NRP1: variants seen among roughly 807,000 people sequenced by gnomAD.
NRP1 encodes the protein neuropilin 1.
Under a neutral mutation model 106.7 loss-of-function variants are expected in NRP1, and 35 were observed. The observed-to-expected ratio is 0.33, with a 90% CI of 0.25 to 0.43. The LOEUF is 0.43. Ranked by LOEUF, NRP1 falls within the 20% of genes least tolerant of loss-of-function variation. NRP1 has a pLI of 1.00. For synonymous variants in NRP1, 437 were observed against 417.9 expected, an observed-to-expected ratio of 1.05 and a Z score of -0.56; for missense variants, 1,024 against 1,170.4, an observed-to-expected ratio of 0.87 and a Z score of 1.83.
At chr10:33,207,520 G>A in intron 10 of NRP1, 52 bp downstream of exon 10, 1 of 1,605,442 alleles carries the variant, frequency 6.2e-7, no homozygotes, top group South Asian at 1.1e-5. Flanking sequence ...ATAAATGCAT[G>A]GAAGAGGAAA....
In NRP1 at chr10:33,202,940, G is replaced by A. The variant is rs148913335; in HGVS notation, c.1815C>T (p.Asp605=). The A allele has an allele frequency of 2.5e-4, 405 of 1,614,038 alleles. No individual in the cohort carries two copies. The highest frequency in any genetic ancestry group is 3.2e-4 in the Non-Finnish European group (375 of 1,180,026). Reference sequence around the variant, plus strand: ...TTCCACTGTGGCAGTTGGCCTGGTCGTCATCACATTCATCCACCAAGTTCC... The same window carrying A: ...TTCCACTGTGGCAGTTGGCCTGGTCATCATCACATTCATCCACCAAGTTCC... ...PNGNLVDECD[D]DQANCHSGTG... Residue 605 remains aspartate, a synonymous_variant, in exon 11 of 17, where the codon GAC becomes GAT. Coordinates refer to ENST00000374867, the MANE Select transcript of NRP1 (RefSeq NM_003873.7).
At position 33,226,135 on chromosome 10, in the gene NRP1, A is replaced by G. The variant is rs1379433473; in HGVS notation, c.1136T>C (p.Val379Ala). The G allele has an allele frequency of 1.2e-6, 2 of 1,613,972 alleles. No homozygotes were observed. Among genetic ancestry groups the G allele is most frequent in the East Asian group, 4.5e-5 (2 of 44,886 alleles). Residue 379 changes from valine to alanine, a missense_variant and splice_region_variant, in exon 7 of 17, where the codon GTT becomes GCT. Physicochemically the swap from Val to Ala is moderately conservative, Grantham distance 64 (BLOSUM62 0). Coordinates refer to ENST00000374867, the MANE Select transcript of NRP1 (RefSeq NM_003873.7). Reference protein sequence around the residue: ...WITIKEGNKPVLFQGNTNPTD... With the variant: ...WITIKEGNKPALFQGNTNPTD... The stretch of plus-strand genomic sequence containing the variant: ...TGCCACGGTGGCAGCCTAACTTACA[A>G]CAGGTTTGTTTCCTTCTTTTATGGT...
intron 2 of NRP1, among the ~76,000 whole-genome samples, chr10:33,318,015 TC>T (rs1290178432): frequency 6.6e-6 from 1 of 152,232 alleles, no homozygotes; most frequent in Non-Finnish European, 1.5e-5. Context: ...CGGATGCACT[TC>T]CTGTTATAGT....
At chr10:33,234,394 T>C (rs908879178) in intron 6 of NRP1, among the ~76,000 whole-genome samples, 1 of 152,172 alleles carries the variant, frequency 6.6e-6, no homozygotes, top group South Asian at 2.1e-4. Flanking sequence ...TTTATAACCA[T>C]AATGATTAGA....
Position 33,192,428 on chromosome 10 carries a change from G to A in NRP1, c.1925-10C>T. 3 of 1,612,256 alleles carry A rather than the reference G, an allele frequency of 1.9e-6. No homozygotes were observed. Among genetic ancestry groups the A allele is most frequent in the Non-Finnish European group, 2.5e-6 (3 of 1,179,258 alleles). ...CCATATGTTGGAAACTCTTCAGTGG[G>A]TGGGAAGTAAAAATAAGAGACAAGC... On this transcript the variant is annotated splice_polypyrimidine_tract_variant and intron_variant, in intron 12 of 16. Coordinates refer to ENST00000374867, the MANE Select transcript of NRP1 (RefSeq NM_003873.7).
chr10:33,263,566 GTA>G (rs1842718957), intron 4 of NRP1, 78 bp downstream of exon 4: 11 of 994,772 alleles, frequency 1.1e-5, no homozygotes, highest in Non-Finnish European at 1.7e-5. Flanking sequence ...AATGATTCAT[GTA>G]TCATGAGACT....
intron 2 of NRP1, among the ~76,000 whole-genome samples, chr10:33,322,816 T>C (rs1157541472): frequency 6.6e-6 from 1 of 152,244 alleles, no homozygotes; most frequent in East Asian, 1.9e-4. Flanking sequence ...TACTTAAACT[T>C]TCCTGAGAAC....
At chr10:33,190,050 C>T (rs1434095065) in intron 13 of NRP1, among the ~76,000 whole-genome samples, 1 of 152,220 alleles carries the variant, frequency 6.6e-6, no homozygotes, top group Non-Finnish European at 1.5e-5. Context: ...CTGAAGGAAT[C>T]GCACTTCTCA....
chr10:33,183,594 T>C (rs1202244002), intron 15 of NRP1, among the ~76,000 whole-genome samples: 1 of 152,282 alleles, frequency 6.6e-6, no homozygotes, highest in East Asian at 1.9e-4. Flanking sequence ...ATTGAAGAAG[T>C]AGAGTTCCAG....
chr10:33,212,887 T>A (rs1364983876), intron 9 of NRP1: 1 of 266,196 alleles, frequency 3.8e-6, no homozygotes, highest in African/African-American at 2.2e-5. Flanking sequence ...TCCAGTCTGG[T>A]CTCGAACTCC....
chr10:33,311,505 G>T (rs1846604688), intron 2 of NRP1, among the ~76,000 whole-genome samples: 1 of 152,196 alleles, frequency 6.6e-6, no homozygotes, highest in Non-Finnish European at 1.5e-5. Context: ...GGCAGAGAAT[G>T]ATGCCTGTTT....
At chr10:33,224,716 C>T (rs1371777654) in intron 7 of NRP1, among the ~76,000 whole-genome samples, 1 of 152,120 alleles carries the variant, frequency 6.6e-6, no homozygotes, top group Admixed American at 6.5e-5. Flanking sequence ...TCTCCGTCCT[C>T]CCACATACCC....
chr10:33,292,730 G>C (rs575368781), intron 2 of NRP1, among the ~76,000 whole-genome samples: 5 of 152,198 alleles, frequency 3.3e-5, no homozygotes, highest in African/African-American at 1.2e-4. Flanking sequence ...GCTCATGCCT[G>C]TAATCCCAGC....
intron 2 of NRP1, among the ~76,000 whole-genome samples, chr10:33,325,069 G>A (rs1482038414): frequency 2.6e-5 from 4 of 152,194 alleles, no homozygotes; most frequent in Non-Finnish European, 2.9e-5. Flanking sequence ...AGGGCTTCTA[G>A]GAAGCTGGAA....
chr10:33,278,909 T>C (rs1229433984), intron 2 of NRP1, among the ~76,000 whole-genome samples: 1 of 152,104 alleles, frequency 6.6e-6, no homozygotes, highest in Non-Finnish European at 1.5e-5. Context: ...GGTAATCAGG[T>C]CAGGTACGAG....
intron 6 of NRP1, among the ~76,000 whole-genome samples, chr10:33,236,554 GT>G (rs1840571323): frequency 6.6e-6 from 1 of 152,214 alleles, no homozygotes; most frequent in Admixed American, 6.5e-5. Context: ...CAAGAGAAAC[GT>G]TTGGGTTCAG....
chr10:33,230,767 T>C (rs1051716212), intron 6 of NRP1, among the ~76,000 whole-genome samples: 1 of 152,150 alleles, frequency 6.6e-6, no homozygotes, highest in Non-Finnish European at 1.5e-5. Flanking sequence ...TGAATCTATT[T>C]CTTTGGTTTT....
intron 13 of NRP1, among the ~76,000 whole-genome samples, chr10:33,190,084 CCTT>C (rs2132618602): frequency 6.6e-6 from 1 of 152,380 alleles, no homozygotes; most frequent in African/African-American, 2.4e-5. Flanking sequence ...GACAAGCTCT[CCTT>C]CTCTGATACT....
At chr10:33,308,669 A>G (rs1295945967) in intron 2 of NRP1, among the ~76,000 whole-genome samples, 1 of 151,794 alleles carries the variant, frequency 6.6e-6, no homozygotes, top group African/African-American at 2.4e-5. Context: ...TTGTACTTTT[A>G]GTAGAGATGG....
Sources: allele counts gnomAD v4.1 joint callset (sites outside exome capture counted in the v4.1 genomes callset), GRCh38; gene constraint gnomAD v4.1.1; transcripts MANE v1.5; gene names NCBI Gene and HGNC (gene_info 2026-07-23, HGNC 2026-07-21).